Variants in DGKB observed in about 807,000 individuals in gnomAD.
DGKB encodes the protein diacylglycerol kinase beta, also known as 90 kDa diacylglycerol kinase.
Under a neutral mutation model 114.3 loss-of-function variants are expected in DGKB, and 67 were observed. The ratio of observed to expected loss-of-function variants is 0.59; its 90% CI spans 0.48 to 0.72. DGKB has a LOEUF of 0.72. DGKB is among the 30% of genes least tolerant of loss of function. The pLI, the probability that DGKB is intolerant of heterozygous loss-of-function variation, is 0.00. For missense variants in DGKB, 907 were observed against 975.2 expected (o/e 0.93, Z 0.93); for synonymous variants, 398 against 323.1 (o/e 1.23, Z -2.49).
At chr7:14,211,230 CA>C (rs769487419) in intron 23 of DGKB, among the ~76,000 whole-genome samples, 12 of 152,090 alleles carry the variant, frequency 7.9e-5, no homozygotes, top group Non-Finnish European at 1.2e-4. Flanking sequence ...GCTATTCCTG[CA>C]GTATTTGAAA....
chr7:14,431,328 C>T (rs1828420174), intron 21 of DGKB, among the ~76,000 whole-genome samples: 1 of 152,102 alleles, frequency 6.6e-6, no homozygotes, highest in Non-Finnish European at 1.5e-5. Context: ...TGTGATATAA[C>T]TTTAAGCAGT....
At chr7:14,283,328 G>A (rs1057427006) in intron 23 of DGKB, among the ~76,000 whole-genome samples, 2 of 151,246 alleles carry the variant, frequency 1.3e-5, no homozygotes, top group Admixed American at 6.8e-5. Context: ...ACCTCTTCAA[G>A]GAGAACTACA....
intron 2 of DGKB, among the ~76,000 whole-genome samples, chr7:14,759,653 T>C (rs1026418046): frequency 1.3e-5 from 2 of 152,200 alleles, no homozygotes; most frequent in Non-Finnish European, 2.9e-5. Context: ...ATAAATCTAT[T>C]TATCAGCTGA....
rs1819992453 is a variant in DGKB at position 14,384,423 on chromosome 7, A to G, written c.1836-39032T>C. Among the ~76,000 whole-genome samples the G allele has an allele frequency of 2.0e-5, 3 of 152,260 alleles. No individual in the cohort carries two copies. In the South Asian group the frequency reaches 6.2e-4, roughly 32 times the overall value. On this transcript the variant is annotated intron_variant, in intron 21 of 25. Transcript: ENST00000402815. ...TTGTCAGTGGCTGCTTTCACTCTAT[A>G]TCGGCAGAACCGAGTAATTGTATTA...
intron 16 of DGKB, 43 bp from the exon 17 acceptor site, chr7:14,607,551 A>G (rs776947502): frequency 3.5e-6 from 3 of 855,290 alleles, no homozygotes; most frequent in Middle Eastern, 2.6e-4. Flanking sequence ...ATAATATTCA[A>G]TACTTTTAAA....
At chr7:14,247,303 C>T (rs181137406) in intron 23 of DGKB, among the ~76,000 whole-genome samples, 4 of 152,188 alleles carry the variant, frequency 2.6e-5, no homozygotes, top group Non-Finnish European at 4.4e-5. Flanking sequence ...CTGAATAATG[C>T]GGCAATGAAC....
chr7:14,898,525 T>C (rs1782476623), intron 1 of DGKB, among the ~76,000 whole-genome samples: 1 of 152,088 alleles, frequency 6.6e-6, no homozygotes, highest in African/African-American at 2.4e-5. Context: ...AAGATATTTA[T>C]AAAGGCAAAT....
intron 23 of DGKB, among the ~76,000 whole-genome samples, chr7:14,214,887 T>G (rs914325811): frequency 6.6e-6 from 1 of 152,142 alleles, no homozygotes; most frequent in African/African-American, 2.4e-5. Context: ...TCACCAGTTT[T>G]AGAGTCAGAG....
At chr7:14,329,193 T>C (rs907407105) in intron 23 of DGKB, among the ~76,000 whole-genome samples, 1 of 151,916 alleles carries the variant, frequency 6.6e-6, no homozygotes, top group African/African-American at 2.4e-5. Flanking sequence ...CAAATACAAG[T>C]AGATGATGAG....
chr7:14,791,986 T>C (rs1840728466), intron 2 of DGKB, among the ~76,000 whole-genome samples: 1 of 152,146 alleles, frequency 6.6e-6, no homozygotes, highest in South Asian at 2.1e-4. Flanking sequence ...TAATATGAAT[T>C]GCTGAGTATT....
intron 23 of DGKB, among the ~76,000 whole-genome samples, chr7:14,200,416 G>A (rs1178633096): frequency 1.3e-5 from 2 of 151,908 alleles, no homozygotes; most frequent in African/African-American, 4.8e-5. Context: ...ATATTTTAGT[G>A]CAACTCATGT....
At chr7:14,391,399 G>A (rs927828834) in intron 21 of DGKB, among the ~76,000 whole-genome samples, 1 of 151,808 alleles carries the variant, frequency 6.6e-6, no homozygotes, top group African/African-American at 2.4e-5. Flanking sequence ...AATGATAAGG[G>A]AGGCCAGACA....
At chr7:14,811,343 G>T (rs965507798) in intron 2 of DGKB, among the ~76,000 whole-genome samples, 3 of 152,128 alleles carry the variant, frequency 2.0e-5, no homozygotes, top group African/African-American at 7.2e-5. Flanking sequence ...GAGTAGCCGG[G>T]ACTACAGGAG....
In DGKB at chr7:14,438,243, G is replaced by C. The variant is rs551000488; in HGVS notation, c.1835+39918C>G. Among the ~76,000 whole-genome samples, 18 of 152,142 alleles carry C rather than the reference G, an allele frequency of 1.2e-4. No homozygotes were observed. The East Asian group carries it at 2.3e-3, about 20-fold the overall frequency. ...AAATGGGGCTCAAGCTCTCTGCCTC[G>C]TTATCAGGTTCTATATTGTTACTGC... On this transcript the variant is annotated intron_variant, in intron 21 of 25. Coordinates refer to ENST00000402815, the MANE Select transcript of DGKB (RefSeq NM_001350709.2).
chr7:14,739,932 C>A (rs1038337406), intron 4 of DGKB, among the ~76,000 whole-genome samples: 1 of 152,250 alleles, frequency 6.6e-6, no homozygotes, highest in African/African-American at 2.4e-5. Flanking sequence ...TCCCTGCCCT[C>A]CCCCACGTTC....
chr7:14,221,165 T>C (rs1228600067), intron 23 of DGKB, among the ~76,000 whole-genome samples: 3 of 151,386 alleles, frequency 2.0e-5, no homozygotes, highest in African/African-American at 7.3e-5. Context: ...ATTTATTTTT[T>C]TGCCTTTTAT....
At chr7:14,285,734 A>G (rs150575883) in intron 23 of DGKB, among the ~76,000 whole-genome samples, 1 of 152,270 alleles carries the variant, frequency 6.6e-6, no homozygotes, top group African/African-American at 2.4e-5. Flanking sequence ...AGGTACATCT[A>G]TGTATGTAGG....
intron 21 of DGKB, among the ~76,000 whole-genome samples, chr7:14,358,714 A>G (rs1583393165): frequency 1.3e-5 from 2 of 152,162 alleles, no homozygotes; most frequent in East Asian, 3.9e-4. Flanking sequence ...TGCTACAAAG[A>G]GAATAAAATG....
At chr7:14,528,088 T>C (rs1401039770) in intron 20 of DGKB, among the ~76,000 whole-genome samples, 4 of 152,074 alleles carry the variant, frequency 2.6e-5, no homozygotes, top group Non-Finnish European at 4.4e-5. Flanking sequence ...AGTTGATGAA[T>C]TTCATAAAAT....
Sources: allele counts gnomAD v4.1 joint callset (sites outside exome capture counted in the v4.1 genomes callset), GRCh38; gene constraint gnomAD v4.1.1; transcripts MANE v1.5; gene names NCBI Gene and HGNC (gene_info 2026-07-23, HGNC 2026-07-21).